Variants in SLC17A5 observed in about 807,000 individuals in gnomAD.
The protein encoded by SLC17A5 is solute carrier family 17 member 5, also known as sialin.
SLC17A5 carries 47 observed loss-of-function variants against 59.4 expected under a neutral mutation model. The observed-to-expected ratio is 0.79, with a 90% CI of 0.63 to 1.01. The LOEUF (loss-of-function observed/expected upper bound fraction) is 1.01. Among genes scored for constraint, SLC17A5 ranks in the 50% least tolerant of loss-of-function variants. The pLI is 0.00. For missense variants in SLC17A5, 522 were observed against 595.5 expected (o/e 0.88, Z 1.28); for synonymous variants, 202 against 210.7 (o/e 0.96, Z 0.36).
At chr6:73,605,167 G>A (rs1163179770) in intron 9 of SLC17A5, among the ~76,000 whole-genome samples, 4 of 152,074 alleles carry the variant, frequency 2.6e-5, no homozygotes, top group Non-Finnish European at 5.9e-5. Context: ...TTTTATAGAT[G>A]AAGAAAAACC....
intron 10 of SLC17A5, among the ~76,000 whole-genome samples, chr6:73,599,988 G>A (rs970851344): frequency 1.7e-4 from 26 of 152,220 alleles, no homozygotes; most frequent in African/African-American, 5.1e-4. Flanking sequence ...TAGAGACGGG[G>A]TTTCACCATG....
Position 73,641,676 on chromosome 6 carries a change from A to G in SLC17A5, c.525+15T>C. ...CACACGGTAAGAAGTAAAACAAGAGAGAAAAGAAAATTACCTCTCCTAGTC... is the reference window on the plus strand; with the variant it reads ...CACACGGTAAGAAGTAAAACAAGAGGGAAAAGAAAATTACCTCTCCTAGTC... On this transcript the variant is annotated intron_variant, in intron 3 of 10. Coordinates refer to ENST00000355773, the MANE Select transcript of SLC17A5 (RefSeq NM_012434.5). 1.3e-6 allele frequency: 2 copies of G among 1,561,438 alleles called. No individual in the cohort carries two copies. Among genetic ancestry groups the G allele is most frequent in the Non-Finnish European group, 1.8e-6 (2 of 1,139,672 alleles).
Position 73,653,779 on chromosome 6 carries a change from A to C in SLC17A5, c.94+14T>G, listed in dbSNP as rs1281501367. 1 of 1,569,860 alleles carries C rather than the reference A, an allele frequency of 6.4e-7. No individual in the cohort carries two copies. The highest frequency in any genetic ancestry group is 8.6e-7 in the Non-Finnish European group (1 of 1,158,142). Reference sequence around the variant, plus strand: ...GCTGCCCACTCGAAGCCCCTGGACGACCCCGCCGCTTACCGGCTTCGGCCC... The same window carrying C: ...GCTGCCCACTCGAAGCCCCTGGACGCCCCCGCCGCTTACCGGCTTCGGCCC... On this transcript the variant is annotated intron_variant, in intron 1 of 10. Transcript: ENST00000355773.
At chr6:73,602,543 G>A (rs1055262227) in intron 9 of SLC17A5, among the ~76,000 whole-genome samples, 32 of 152,198 alleles carry the variant, frequency 2.1e-4, no homozygotes, top group African/African-American at 7.2e-4. Context: ...GGGAGGCCGA[G>A]GCGGGTGGAT....
At chr6:73,649,940 T>C (rs1769767687) in intron 1 of SLC17A5, among the ~76,000 whole-genome samples, 1 of 152,152 alleles carries the variant, frequency 6.6e-6, no homozygotes, top group African/African-American at 2.4e-5. Flanking sequence ...CAATCTGCCC[T>C]AGTGTGTAAC....
chr6:73,604,095 A>T (rs1767287022), intron 9 of SLC17A5, among the ~76,000 whole-genome samples: 1 of 152,126 alleles, frequency 6.6e-6, no homozygotes, highest in African/African-American at 2.4e-5. Flanking sequence ...CATCCCCTTT[A>T]GGGGTGTATC....
At position 73,593,958 on chromosome 6, in the gene SLC17A5, A is replaced by G. The variant is rs1766682422; in HGVS notation, c.*1119T>C. 1 of 152,110 alleles carries G rather than the reference A, an allele frequency of 6.6e-6. No individual in the cohort carries two copies. The highest frequency in any genetic ancestry group is 1.5e-5 in the Non-Finnish European group (1 of 68,014). 9.4% of individuals were successfully genotyped at this position (152,110 alleles called of 1,614,324 possible). A position where few individuals can be genotyped will look rare whatever the true frequency, so the allele number is the denominator to read the frequency against. On this transcript the variant is annotated 3_prime_UTR_variant, in exon 11 of 11. Transcript: ENST00000355773. ...AAATTTATACTGTGATCCATGTGAG[A>G]GTAGATTTAAACCAGGATGATCTTA...
intron 7 of SLC17A5, chr6:73,618,371 C>T (rs888197473): frequency 7.1e-6 from 2 of 283,304 alleles, no homozygotes; most frequent in Non-Finnish European, 1.3e-5. Flanking sequence ...TTCCTTCATC[C>T]CTCTCCAGAA....
At chr6:73,617,353 G>A (rs1561990893) in intron 7 of SLC17A5, among the ~76,000 whole-genome samples, 2 of 152,034 alleles carry the variant, frequency 1.3e-5, no homozygotes, top group Non-Finnish European at 2.9e-5. Context: ...ACTTCTGCAC[G>A]GTGGGATCAC....
rs1243238524 is a variant in SLC17A5, at chr6:73,593,995, C to T, written c.*1082G>A. 6.6e-6 allele frequency: 1 copy of T among 151,672 alleles called. No homozygotes were observed. Among genetic ancestry groups the T allele is most frequent in the Non-Finnish European group, 1.5e-5 (1 of 67,970 alleles). The allele number at this position is 151,672 out of a possible 1,614,324, so 9.4% of individuals were successfully genotyped here. ...CCAGGATGATCTTATTTGTGATTGA[C>T]TGGGCATCGCACTTTTCTTTCTTTA... On this transcript the variant is annotated 3_prime_UTR_variant, in exon 11 of 11. Transcript: ENST00000355773.
rs958200502 is a variant in SLC17A5 at position 73,593,919 on chromosome 6, A to T, written c.*1158T>A. ...ATCTCTACAAAATACAAACGAACAAAACACAGCACATAGAAATTTATACTG... is the reference window on the plus strand; with the variant it reads ...ATCTCTACAAAATACAAACGAACAATACACAGCACATAGAAATTTATACTG... On this transcript the variant is annotated 3_prime_UTR_variant, in exon 11 of 11. Transcript: ENST00000355773. 1.3e-5 allele frequency: 2 copies of T among 152,146 alleles called. No individual in the cohort carries two copies. The highest frequency in any genetic ancestry group is 3.9e-4 in the East Asian group (2 of 5,184). 9.4% of individuals were successfully genotyped at this position (152,146 alleles called of 1,614,324 possible).
intron 2 of SLC17A5, among the ~76,000 whole-genome samples, chr6:73,642,239 T>C (rs559377038): frequency 6.6e-6 from 1 of 152,304 alleles, no homozygotes; most frequent in South Asian, 2.1e-4. Context: ...CAAAAAAGGC[T>C]TGGGTATCTC....
chr6:73,629,456 C>T (rs922965713), intron 6 of SLC17A5, among the ~76,000 whole-genome samples: 3 of 151,648 alleles, frequency 2.0e-5, no homozygotes, highest in Admixed American at 1.3e-4. Flanking sequence ...ACAAGAAAAC[C>T]CCATGATATC....
At chr6:73,616,305 C>T (rs114077071) in intron 7 of SLC17A5, among the ~76,000 whole-genome samples, 2 of 152,126 alleles carry the variant, frequency 1.3e-5, no homozygotes, top group Admixed American at 1.3e-4. Context: ...TAAGCATTAA[C>T]CTCGTTTTGG....
chr6:73,601,639 G>T lies in SLC17A5; in HGVS notation c.1260-1198C>A, dbSNP rs558306336. Among the ~76,000 whole-genome samples the T allele has an allele frequency of 2.3e-3, 212 of 90,440 alleles. 16 individuals carry two copies. The highest frequency in any genetic ancestry group is 7.9e-3 in the South Asian group (21 of 2,674). The allele number at this position is 90,440 out of a possible 152,430, so 59.3% of individuals were successfully genotyped here. The stretch of plus-strand genomic sequence containing the variant: ...GCCGCCCCGTCCGGGAGGGAGGTGG[G>T]GGGGGGTCAGCCCCCCGCCCAGCCA... On this transcript the variant is annotated intron_variant, in intron 9 of 10. Coordinates refer to ENST00000355773, the MANE Select transcript of SLC17A5 (RefSeq NM_012434.5).
chr6:73,635,975 G>A (rs76363357), intron 5 of SLC17A5, among the ~76,000 whole-genome samples: 7 of 151,990 alleles, frequency 4.6e-5, no homozygotes, highest in South Asian at 4.2e-4. Flanking sequence ...TCCTGACCTC[G>A]TGATCCACCC....
At chr6:73,623,482 GCAC>G (rs1227470645) in intron 6 of SLC17A5, among the ~76,000 whole-genome samples, 2 of 151,540 alleles carry the variant, frequency 1.3e-5, no homozygotes, top group African/African-American at 2.4e-5. Flanking sequence ...TTACAGGTGT[GCAC>G]CACCACATCT....
chr6:73,643,014 G>A (rs3823122), intron 2 of SLC17A5, among the ~76,000 whole-genome samples: 8,472 of 151,960 alleles, frequency 0.056, 422 homozygotes, highest in Admixed American at 0.16. Context: ...AAAGATTTTC[G>A]GAGAGATTTA....
At chr6:73,622,099 C>T (rs896521846) in intron 6 of SLC17A5, 137 bp from the exon 7 acceptor site, 2 of 743,380 alleles carry the variant, frequency 2.7e-6, no homozygotes, top group Non-Finnish European at 4.5e-6. Flanking sequence ...TAAATCAACT[C>T]CTTTGAAATA....
Sources: allele counts gnomAD v4.1 joint callset (sites outside exome capture counted in the v4.1 genomes callset), GRCh38; gene constraint gnomAD v4.1.1; transcripts MANE v1.5; gene names NCBI Gene and HGNC (gene_info 2026-07-23, HGNC 2026-07-21).